MCOLN3: variants seen among roughly 807,000 people sequenced by gnomAD.
MCOLN3 encodes the protein mucolipin-3.
MCOLN3 carries 62 observed loss-of-function variants against 69.4 expected under a neutral mutation model. The observed-to-expected ratio is 0.89, with a 90% confidence interval of 0.73 to 1.10. MCOLN3 has a LOEUF of 1.10. MCOLN3 is among the 50% of genes least tolerant of loss of function. MCOLN3 has a pLI of 0.00. For missense variants in MCOLN3, 564 were observed against 656.4 expected, an observed-to-expected ratio of 0.86 and a Z score of 1.54; for synonymous variants, 183 against 217.0, an observed-to-expected ratio of 0.84 and a Z score of 1.38.
chr1:85,038,452 C>T (rs1652906972), intron 3 of MCOLN3, among the ~76,000 whole-genome samples: 1 of 152,092 alleles, frequency 6.6e-6, no homozygotes, highest in African/African-American at 2.4e-5. Context: ...AATATAGAAA[C>T]ATATATAATA....
chr1:85,046,309 G>T (rs1405952893), intron 1 of MCOLN3, among the ~76,000 whole-genome samples: 41 of 1,216 alleles, frequency 0.034, no homozygotes, highest in Non-Finnish European at 0.14. Context: ...ATCTATTTGG[G>T]GGGGGGGGCA....
intron 2 of MCOLN3, among the ~76,000 whole-genome samples, chr1:85,041,996 C>T (rs914719939): frequency 6.6e-6 from 1 of 151,702 alleles, no homozygotes; most frequent in African/African-American, 2.4e-5. Flanking sequence ...CACAGGCACA[C>T]ACACACACAC....
intron 6 of MCOLN3, among the ~76,000 whole-genome samples, chr1:85,030,457 A>C (rs533570183): frequency 6.6e-6 from 1 of 152,372 alleles, no homozygotes; most frequent in South Asian, 2.1e-4. Context: ...ACTGAGACAT[A>C]AAACAAACAG....
chr1:85,021,172 C>T lies in MCOLN3; in HGVS notation c.1425G>A (p.Trp475Ter). ...AGTAGAGGTAAATTCTACTAAACAG[C>T]CAGACTAAGTAACTTTTTTGCTGCA... Reference protein sequence around the residue: ...AKMQQKSYLVWLFSRIYLYSF... With the variant: ...AKMQQKSYLV The change falls in exon 12 of 13, where the codon TGG becomes TGA. Residue 475 changes from tryptophan to a stop codon, truncating the protein, a stop_gained. Transcript: ENST00000370589. LOFTEE classifies it high-confidence loss of function. The T allele has an allele frequency of 3.7e-6, 6 of 1,613,476 alleles. No individual in the cohort carries two copies. The highest frequency in any genetic ancestry group is 5.1e-6 in the Non-Finnish European group (6 of 1,179,662).
At chr1:85,022,561 G>A (rs1651998897) in intron 9 of MCOLN3, 161 bp from the exon 10 acceptor site, 1 of 530,976 alleles carries the variant, frequency 1.9e-6, no homozygotes, top group Non-Finnish European at 3.4e-6. Context: ...CTAGTGGAGG[G>A]AAGAAAGAGA....
intron 3 of MCOLN3, among the ~76,000 whole-genome samples, chr1:85,040,393 C>T (rs906933575): frequency 2.0e-5 from 3 of 152,128 alleles, no homozygotes; most frequent in Non-Finnish European, 2.9e-5. Context: ...ACTTCAAGGA[C>T]GCTTTCAATG....
At chr1:85,024,920 C>T (rs1266611095) in intron 9 of MCOLN3, 2 of 152,220 alleles carry the variant, frequency 1.3e-5, no homozygotes, top group African/African-American at 4.8e-5. Flanking sequence ...GGGCTGTGTT[C>T]CCTGGCTCCC....
chr1:85,020,195 G>T (rs946634034), intron 12 of MCOLN3, among the ~76,000 whole-genome samples: 1 of 152,212 alleles, frequency 6.6e-6, no homozygotes, highest in Non-Finnish European at 1.5e-5. Flanking sequence ...CTGCTAAGCA[G>T]ATGAGAGCAA....
intron 2 of MCOLN3, among the ~76,000 whole-genome samples, chr1:85,043,529 C>CA (rs11409671): frequency 0.72 from 102,415 of 141,312 alleles, 36,637 homozygotes; most frequent in Middle Eastern, 0.77. Flanking sequence ...GACTCCATCT[C>CA]AAAAAAAAAA....
In MCOLN3 at chr1:85,026,018, T is replaced by C. The variant is rs772513559; in HGVS notation, c.1016A>G (p.Asn339Ser). Reference sequence around the variant, plus strand: ...AATAATAATCATAATGTACCATCCATTGACAAATTCCATTTGATCAGAAAC... The same window carrying C: ...AATAATAATCATAATGTACCATCCACTGACAAATTCCATTTGATCAGAAAC... ...VSVSDQMEFV[N>S]GWYIMIIISD... The change falls in exon 9 of 13, where the codon AAT becomes AGT. Residue 339 changes from asparagine (N) to serine (S), a missense_variant. Transcript: ENST00000370589. The C allele has an allele frequency of 1.2e-6, 2 of 1,600,280 alleles. No homozygotes were observed. The highest frequency in any genetic ancestry group is 3.5e-5 in the Admixed American group (2 of 57,406).
At chr1:85,045,854 G>A (rs534554063) in intron 1 of MCOLN3, among the ~76,000 whole-genome samples, 66 of 152,176 alleles carry the variant, frequency 4.3e-4, no homozygotes, top group Non-Finnish European at 8.2e-4. Context: ...ATAGCAGGGT[G>A]TAGTGTAAAG....
At chr1:85,033,043 GATTCT>G in intron 4 of MCOLN3, 87 bp from the exon 5 acceptor site, 1 of 1,096,832 alleles carries the variant, frequency 9.1e-7, no homozygotes, top group East Asian at 2.4e-5. Context: ...CAGTTATTCA[GATTCT>G]ATTATTTTTC....
intron 9 of MCOLN3, chr1:85,024,650 A>T (rs1370336885): frequency 6.6e-6 from 1 of 152,184 alleles, no homozygotes; most frequent in East Asian, 1.9e-4. Context: ...TGATATGATC[A>T]TCTATGAGGC....
At chr1:85,036,541 T>C (rs1652812267) in intron 3 of MCOLN3, among the ~76,000 whole-genome samples, 1 of 152,188 alleles carries the variant, frequency 6.6e-6, no homozygotes, top group African/African-American at 2.4e-5. Flanking sequence ...ATTTTGCTTA[T>C]GTATATTATC....
chr1:85,038,836 C>CA lies in MCOLN3; in HGVS notation c.396+2173dup, dbSNP rs959781893. 1.7e-4 allele frequency among the ~76,000 whole-genome samples: 26 copies of CA among 150,418 alleles called. 1 individual carries two copies. Among genetic ancestry groups the CA allele is most frequent in the Admixed American group, 8.6e-4 (13 of 15,092 alleles). On this transcript the variant is annotated intron_variant, in intron 3 of 12. Transcript: ENST00000370589. ...CGAAACCCTGCTTCTACTAAAAATA[C>CA]AAAAAAAAATTAGCTGGGGGTAGTG... is the stretch of plus-strand genomic sequence containing the variant.
chr1:85,026,005 A>C lies in MCOLN3; in HGVS notation c.1029T>G (p.Ile343Met), dbSNP rs768299294. 6.3e-7 allele frequency: 1 copy of C among 1,599,980 alleles called. No individual in the cohort carries two copies. The change falls in exon 9 of 13, where the codon ATT becomes ATG. Residue 343 changes from isoleucine to methionine, a missense_variant. Transcript: ENST00000370589. ...DQMEFVNGWY[I>M]MIIISDILTI... ...TCAATATGTCACTAATAATAATCATAATGTACCATCCATTGACAAATTCCA... is the reference window on the plus strand; with the variant it reads ...TCAATATGTCACTAATAATAATCATCATGTACCATCCATTGACAAATTCCA...
At chr1:85,028,171 A>G (rs1652315618) in intron 7 of MCOLN3, among the ~76,000 whole-genome samples, 1 of 152,180 alleles carries the variant, frequency 6.6e-6, no homozygotes, top group African/African-American at 2.4e-5. Flanking sequence ...GTGACTCAAG[A>G]GCCTCATATA....
At position 85,019,089 on chromosome 1, in the gene MCOLN3, A is replaced by G. The variant is rs1651796940; in HGVS notation, c.*34T>C. ...CAGTGTTCCAACTCAGCTACACATT[A>G]TATTTTCCTCTAAAGTACAGATAAA... On this transcript the variant is annotated 3_prime_UTR_variant, in exon 13 of 13. Transcript: ENST00000370589. 1 of 1,599,454 alleles carries G rather than the reference A, an allele frequency of 6.3e-7. No homozygotes were observed. Among genetic ancestry groups the G allele is most frequent in the South Asian group, 1.1e-5 (1 of 89,724 alleles).
At chr1:85,028,219 G>T (rs1571099640) in intron 7 of MCOLN3, among the ~76,000 whole-genome samples, 1 of 152,094 alleles carries the variant, frequency 6.6e-6, no homozygotes, top group Non-Finnish European at 1.5e-5. Context: ...TACTATCATG[G>T]CAAAATTTCA....
Sources: gnomAD v4.1 joint callset for allele counts (sites outside exome capture counted in the v4.1 genomes callset) on GRCh38, gnomAD v4.1.1 for gene constraint, MANE v1.5 for transcripts, NCBI Gene and HGNC (gene_info 2026-07-23, HGNC 2026-07-21) for gene names.